The following TNIK variants were observed in gnomAD, a reference collection of about 807,000 sequenced individuals.
TNIK encodes TRAF2 and NCK-interacting protein kinase.
In TNIK, 49 loss-of-function variants were observed where a neutral mutation model predicts 191.3. That is an observed-to-expected ratio of 0.26 (90% CI 0.20 to 0.32). The LOEUF is 0.32. Among genes scored for constraint, TNIK ranks in the 10% least tolerant of loss-of-function variants. The probability of loss-of-function intolerance (pLI) is 1.00; values close to 1 mark genes in which losing one functional copy is unlikely to be tolerated. For missense variants in TNIK, 1,155 were observed against 1,702.3 expected, an observed-to-expected ratio of 0.68 and a Z score of 5.66; for synonymous variants, 594 against 600.9, an observed-to-expected ratio of 0.99 and a Z score of 0.17.
intron 1 of TNIK, among the ~76,000 whole-genome samples, chr3:171,443,623 G>A (rs917227856): frequency 6.6e-6 from 1 of 151,620 alleles, no homozygotes; most frequent in Admixed American, 6.6e-5. Flanking sequence ...TTGAGACCAC[G>A]CTGGGCAACA....
chr3:171,185,990 A>G (rs2108816071), intron 7 of TNIK, among the ~76,000 whole-genome samples: 1 of 152,352 alleles, frequency 6.6e-6, no homozygotes, highest in Admixed American at 6.5e-5. Context: ...GGGCTGGGAT[A>G]CACCACTGGG....
intron 1 of TNIK, among the ~76,000 whole-genome samples, chr3:171,397,669 G>T (rs1720427929): frequency 6.6e-6 from 1 of 152,048 alleles, no homozygotes; most frequent in South Asian, 2.1e-4. Context: ...GAAATATAGA[G>T]ATATCACTGT....
At chr3:171,072,778 GAATCA>G (rs1719367782) in intron 28 of TNIK, among the ~76,000 whole-genome samples, 1 of 151,678 alleles carries the variant, frequency 6.6e-6, no homozygotes, top group Non-Finnish European at 1.5e-5. Flanking sequence ...CTCAAGCTGA[GAATCA>G]AATCAAGAGC....
At chr3:171,064,769 T>G (rs1459637660) in intron 32 of TNIK, among the ~76,000 whole-genome samples, 1 of 152,244 alleles carries the variant, frequency 6.6e-6, no homozygotes, top group Non-Finnish European at 1.5e-5. Flanking sequence ...GCCTAGCCCT[T>G]CAGTCAGTCA....
intron 2 of TNIK, among the ~76,000 whole-genome samples, chr3:171,361,334 T>C (rs1183645967): frequency 6.6e-6 from 1 of 152,210 alleles, no homozygotes; most frequent in African/African-American, 2.4e-5. Flanking sequence ...ACAGTCCCTG[T>C]ATCAAGTTTT....
intron 1 of TNIK, among the ~76,000 whole-genome samples, chr3:171,434,278 T>C (rs1725742753): frequency 6.6e-6 from 1 of 152,068 alleles, no homozygotes; most frequent in African/African-American, 2.4e-5. Flanking sequence ...TGATTGTTTT[T>C]CTTGGCTCAC....
rs1217189900 is a variant in TNIK, at chr3:171,427,617, G to T, written c.57+32390C>A. ...CTATTATTATTACCCTCTAAGCCTTGTCTCCCTCAATGGCTATGCCTGCTT... is the reference window on the plus strand; with the variant it reads ...CTATTATTATTACCCTCTAAGCCTTTTCTCCCTCAATGGCTATGCCTGCTT... On this transcript the variant is annotated intron_variant, in intron 1 of 32. Coordinates refer to ENST00000436636, the MANE Select transcript of TNIK (RefSeq NM_015028.4). Among the ~76,000 whole-genome samples the T allele has an allele frequency of 4.6e-5, 7 of 152,308 alleles. No individual in the cohort carries two copies. The East Asian group carries it at 1.4e-3, about 29-fold the overall frequency.
chr3:171,179,579 G>A (rs971583245), intron 7 of TNIK, among the ~76,000 whole-genome samples: 1 of 152,086 alleles, frequency 6.6e-6, no homozygotes, highest in African/African-American at 2.4e-5. Flanking sequence ...AGCCTCCCGA[G>A]TAGCTGGGAC....
chr3:171,147,749 C>T (rs1297854228), intron 12 of TNIK, among the ~76,000 whole-genome samples: 4 of 152,168 alleles, frequency 2.6e-5, no homozygotes, highest in African/African-American at 9.7e-5. Flanking sequence ...TCATCACCCC[C>T]ATTTGACAGT....
At chr3:171,281,198 T>C (rs1335870031) in intron 2 of TNIK, among the ~76,000 whole-genome samples, 1 of 150,252 alleles carries the variant, frequency 6.7e-6, no homozygotes, top group Non-Finnish European at 1.5e-5. Context: ...AAAAAAAAAA[T>C]GGCAGTCTGA....
intron 2 of TNIK, among the ~76,000 whole-genome samples, chr3:171,256,606 C>T (rs1022263147): frequency 1.3e-5 from 2 of 152,158 alleles, no homozygotes; most frequent in Non-Finnish European, 2.9e-5. Flanking sequence ...AGCCAATTTC[C>T]TCTAAGCTTC....
intron 2 of TNIK, among the ~76,000 whole-genome samples, chr3:171,246,027 G>A (rs982326775): frequency 4.6e-5 from 7 of 152,124 alleles, no homozygotes; most frequent in Non-Finnish European, 2.9e-5. Context: ...AGCAAAGAAG[G>A]CCTGGAGGGT....
Position 171,365,504 on chromosome 3 carries a change from A to G in TNIK, c.123+4116T>C, listed in dbSNP as rs1715613079. Among the ~76,000 whole-genome samples the G allele has an allele frequency of 2.6e-5, 4 of 152,074 alleles. No individual in the cohort carries two copies. In the South Asian group the frequency reaches 8.3e-4, roughly 32 times the overall value. ...GCCCAAAAGTTCTACATTCTTGTGA[A>G]AGAATATTTAATTTTAAATTTTAAA... On this transcript the variant is annotated intron_variant, in intron 2 of 32. Transcript: ENST00000436636.
chr3:171,198,506 T>G (rs1289408073), intron 4 of TNIK, among the ~76,000 whole-genome samples: 6 of 152,174 alleles, frequency 3.9e-5, no homozygotes, highest in African/African-American at 1.4e-4. Context: ...TTAATGATAA[T>G]GAGTTATACA....
At chr3:171,185,060 T>C (rs1737186446) in intron 7 of TNIK, among the ~76,000 whole-genome samples, 1 of 152,130 alleles carries the variant, frequency 6.6e-6, no homozygotes, top group South Asian at 2.1e-4. Context: ...GGCCTGTTTA[T>C]GGCAAAAAAC....
intron 2 of TNIK, among the ~76,000 whole-genome samples, chr3:171,344,731 G>GT (rs1560456902): frequency 7.6e-6 from 1 of 131,744 alleles, no homozygotes; most frequent in African/African-American, 2.6e-5. Flanking sequence ...CGAAATTCTC[G>GT]TTTTTCTTAA....
intron 2 of TNIK, among the ~76,000 whole-genome samples, chr3:171,346,357 A>T (rs1293716359): frequency 6.6e-6 from 1 of 152,178 alleles, no homozygotes; most frequent in East Asian, 1.9e-4. Context: ...ATGGTCCATA[A>T]TTAAACATTT....
At chr3:171,248,431 T>G (rs1745854630) in intron 2 of TNIK, among the ~76,000 whole-genome samples, 1 of 152,150 alleles carries the variant, frequency 6.6e-6, no homozygotes, top group African/African-American at 2.4e-5. Flanking sequence ...GCAAGGTGGA[T>G]ATTATGGAAG....
intron 2 of TNIK, among the ~76,000 whole-genome samples, chr3:171,353,779 G>C (rs1449561658): frequency 6.6e-6 from 1 of 152,178 alleles, no homozygotes; most frequent in Non-Finnish European, 1.5e-5. Context: ...ACAAATCAAA[G>C]TTTTTATTTT....
Sources: gnomAD v4.1 joint callset for allele counts (sites outside exome capture counted in the v4.1 genomes callset) on GRCh38, gnomAD v4.1.1 for gene constraint, MANE v1.5 for transcripts, NCBI Gene and HGNC (gene_info 2026-07-23, HGNC 2026-07-21) for gene names.